SEPTIN2: variants seen among roughly 807,000 people sequenced by gnomAD.
The protein encoded by SEPTIN2 is septin 2.
A neutral mutation model predicts 46.5 loss-of-function variants in SEPTIN2; 34 were observed. That is an observed-to-expected ratio of 0.73 (90% CI 0.56 to 0.97). SEPTIN2 has a LOEUF of 0.97. SEPTIN2 is among the 50% of genes least tolerant of loss of function. The pLI is 0.00. For synonymous variants in SEPTIN2, 175 were observed against 153.4 expected, an observed-to-expected ratio of 1.14 and a Z score of -1.04; for missense variants, 347 against 448.4, an observed-to-expected ratio of 0.77 and a Z score of 2.04.
chr2:241,336,003 G>C lies in SEPTIN2; in HGVS notation c.246G>C (p.Glu82Asp), dbSNP rs766923305. Residue 82 changes from glutamate (E) to aspartate (D), a missense_variant, in exon 5 of 13, where the codon GAG becomes GAC. Coordinates refer to ENST00000391971, the MANE Select transcript of SEPTIN2 (RefSeq NM_004404.5). Reference sequence around the variant, plus strand: ...AAATTGAAAGAACTGTCCAGATTGAGGCTTCAACTGTTGAAATTGAAGAGC... The same window carrying C: ...AAATTGAAAGAACTGTCCAGATTGACGCTTCAACTGTTGAAATTGAAGAGC... ...AEKIERTVQI[E>D]ASTVEIEERG... 6.2e-7 allele frequency: 1 copy of C among 1,613,980 alleles called. No homozygotes were observed.
chr2:241,329,800 A>G (rs555618001), intron 3 of SEPTIN2, among the ~76,000 whole-genome samples: 1 of 152,346 alleles, frequency 6.6e-6, no homozygotes, highest in East Asian at 1.9e-4. Flanking sequence ...AAAAGAGGCA[A>G]AGGCAGAGGA....
intron 1 of SEPTIN2, among the ~76,000 whole-genome samples, chr2:241,317,809 G>T (rs1481614512): frequency 3.9e-5 from 6 of 152,232 alleles, no homozygotes; most frequent in East Asian, 3.9e-4. Context: ...GCGAAAATTG[G>T]TTTTTTATGT....
At chr2:241,348,758 T>C (rs2060509010) in intron 11 of SEPTIN2, among the ~76,000 whole-genome samples, 1 of 152,188 alleles carries the variant, frequency 6.6e-6, no homozygotes, top group Non-Finnish European at 1.5e-5. Context: ...TTTAGTAATG[T>C]CACTGATATT....
At chr2:241,316,560 G>T in intron 1 of SEPTIN2, 1 of 1,513,672 alleles carries the variant, frequency 6.6e-7, no homozygotes, top group Non-Finnish European at 8.8e-7. Flanking sequence ...AGCGAGGCAC[G>T]GACAGGCAGC....
intron 11 of SEPTIN2, among the ~76,000 whole-genome samples, chr2:241,348,428 A>G (rs140019558): frequency 6.6e-6 from 1 of 152,074 alleles, no homozygotes; most frequent in Non-Finnish European, 1.5e-5. Context: ...ACGGGGTTTC[A>G]TCATGTTGGC....
intron 7 of SEPTIN2, among the ~76,000 whole-genome samples, chr2:241,342,021 G>A (rs2081315848): frequency 6.6e-6 from 1 of 152,146 alleles, no homozygotes; most frequent in African/African-American, 2.4e-5. Flanking sequence ...CTGCTTGATA[G>A]GTCCGATTGT....
At chr2:241,335,745 T>G in intron 4 of SEPTIN2, 2 of 585,990 alleles carry the variant, frequency 3.4e-6, no homozygotes, top group Non-Finnish European at 6.0e-6. Flanking sequence ...GAACAGAAAT[T>G]ATAATTTTTA....
intron 1 of SEPTIN2, chr2:241,316,755 A>G (rs1323081576): frequency 7.0e-6 from 3 of 426,078 alleles, no homozygotes; most frequent in Non-Finnish European, 8.4e-6. Context: ...TCCTCTCTCC[A>G]CGGAAACACA....
At chr2:241,337,545 C>CT in intron 6 of SEPTIN2, 29 bp downstream of exon 6, 2 of 1,610,704 alleles carry the variant, frequency 1.2e-6, no homozygotes, top group Admixed American at 3.3e-5. Context: ...TGGAGAAATG[C>CT]TTTACTACAT....
intron 3 of SEPTIN2, among the ~76,000 whole-genome samples, chr2:241,329,218 C>T (rs531002895): frequency 2.6e-5 from 4 of 151,608 alleles, no homozygotes; most frequent in African/African-American, 4.8e-5. Flanking sequence ...CTCCACCTCC[C>T]GGGTTCACGC....
intron 1 of SEPTIN2, chr2:241,317,596 T>G (rs2149798615): frequency 4.1e-6 from 4 of 978,688 alleles, no homozygotes; most frequent in Non-Finnish European, 4.8e-6. Context: ...GCAGCAGAGG[T>G]GAGGTAAGGC....
chr2:241,323,727 A>G, intron 1 of SEPTIN2, among the ~76,000 whole-genome samples: 1 of 152,224 alleles, frequency 6.6e-6, no homozygotes, highest in East Asian at 1.9e-4. Flanking sequence ...AAGAATGGTG[A>G]TTAGCGCTCC....
chr2:241,316,802 T>A (rs1273326924), intron 1 of SEPTIN2: 1 of 372,048 alleles, frequency 2.7e-6, no homozygotes, highest in Non-Finnish European at 4.8e-6. Context: ...AGTTCAAACT[T>A]CTGCACCTTT....
intron 3 of SEPTIN2, among the ~76,000 whole-genome samples, chr2:241,333,379 A>C (rs2079344100): frequency 6.6e-6 from 1 of 152,230 alleles, no homozygotes; most frequent in Non-Finnish European, 1.5e-5. Flanking sequence ...TTAATGGGAT[A>C]ACAGGCATTT....
At chr2:241,318,121 GAAAA>G (rs1345199672) in intron 1 of SEPTIN2, 2 of 128,156 alleles carry the variant, frequency 1.6e-5, no homozygotes, top group African/African-American at 5.9e-5. Context: ...TTATGTTTCA[GAAAA>G]AAAAAAACAG....
chr2:241,334,224 A>G (rs1428946838), intron 3 of SEPTIN2, among the ~76,000 whole-genome samples: 6 of 152,144 alleles, frequency 3.9e-5, no homozygotes. Flanking sequence ...GCTTTGCAGA[A>G]CTTAACAGAG....
intron 2 of SEPTIN2, chr2:241,324,997 T>C (rs1575168522): frequency 6.6e-6 from 1 of 151,744 alleles, no homozygotes; most frequent in East Asian, 1.9e-4. Context: ...ATCCTGTGGG[T>C]GTTCATTACT....
At position 241,352,770 on chromosome 2, in the gene SEPTIN2, C is replaced by A. The variant is rs1005954858; in HGVS notation, c.*833C>A. ...TTTCGTATTGCAAATAAGACTCTTA[C>A]CTACAAAATGAGATTCAGTGAACTA... On this transcript the variant is annotated 3_prime_UTR_variant, in exon 13 of 13. Transcript: ENST00000391971. 5 of 152,152 alleles carry A rather than the reference C, an allele frequency of 3.3e-5. No homozygotes were observed. Among genetic ancestry groups the A allele is most frequent in the African/African-American group, 1.2e-4 (5 of 41,426 alleles). 9.4% of individuals were successfully genotyped at this position (152,152 alleles called of 1,614,324 possible).
intron 1 of SEPTIN2, 191 bp from the exon 2 acceptor site, chr2:241,324,025 C>CCA (rs1476556815): frequency 2.7e-5 from 15 of 554,962 alleles, no homozygotes; most frequent in Non-Finnish European, 4.2e-5. Flanking sequence ...GTTACACGAG[C>CCA]CAGCTGTCAG....
Sources: gnomAD v4.1 joint callset for allele counts (sites outside exome capture counted in the v4.1 genomes callset) on GRCh38, gnomAD v4.1.1 for gene constraint, MANE v1.5 for transcripts, NCBI Gene and HGNC (gene_info 2026-07-23, HGNC 2026-07-21) for gene names.